EP300: variants seen among roughly 807,000 people sequenced by gnomAD.
The protein encoded by EP300 is histone acetyltransferase p300.
EP300 carries 31 observed loss-of-function variants against 264.0 expected under a neutral mutation model. The observed-to-expected ratio is 0.12, with a 90% CI of 0.09 to 0.16. The LOEUF (loss-of-function observed/expected upper bound fraction) is 0.16. EP300 is among the 10% of genes least tolerant of loss of function. EP300 has a pLI of 1.00. For missense variants in EP300, 2,766 were observed against 3,052.9 expected (o/e 0.91, Z 2.21); for synonymous variants, 1,340 against 1,045.4 (o/e 1.28, Z -5.44).
chr22:41,170,620 A>T lies in EP300; in HGVS notation c.4452+49A>T, dbSNP rs368327456. On this transcript the variant is annotated intron_variant, in intron 27 of 30. Coordinates refer to ENST00000263253, the MANE Select transcript of EP300 (RefSeq NM_001429.4). Reference sequence around the variant, plus strand: ...GTGCTGACAATAGATCTGGAAATGCACTAATGTTGCTGCTCTTTGTTCTGT... The same window carrying T: ...GTGCTGACAATAGATCTGGAAATGCTCTAATGTTGCTGCTCTTTGTTCTGT... 6.7e-5 allele frequency: 99 copies of T among 1,488,250 alleles called. 1 individual carries two copies. The highest frequency in any genetic ancestry group is 1.3e-5 in the Non-Finnish European group (14 of 1,068,524). The allele number at this position is 1,488,250 out of a possible 1,614,324, so 92.2% of individuals were successfully genotyped here.
rs1357821381 is a variant in EP300 at position 41,127,466 on chromosome 22, A to T, written c.907-21A>T. ...AGCACATTATGACTCCTACCATTAA[A>T]TATATTGTTATATCTCTCAGGGTCA... On this transcript the variant is annotated intron_variant, in intron 3 of 30. Coordinates refer to ENST00000263253, the MANE Select transcript of EP300 (RefSeq NM_001429.4). 1.9e-6 allele frequency: 3 copies of T among 1,613,686 alleles called. No individual in the cohort carries two copies. In the East Asian group the frequency reaches 6.7e-5, roughly 36 times the overall value.
At chr22:41,108,420 C>T (rs2267426) in intron 1 of EP300, among the ~76,000 whole-genome samples, 6,211 of 151,714 alleles carry the variant, frequency 0.041, 423 homozygotes, top group East Asian at 0.21. Context: ...GGCTAATTTT[C>T]GTATTTTTTT....
chr22:41,167,611 T>C (rs1486464031), intron 23 of EP300, among the ~76,000 whole-genome samples: 2 of 39,412 alleles, frequency 5.1e-5, no homozygotes, highest in East Asian at 2.6e-3. Context: ...TATATATATA[T>C]ATATATATAT....
chr22:41,163,901 C>T, intron 21 of EP300, 152 bp from the exon 22 acceptor site: 1 of 748,672 alleles, frequency 1.3e-6, no homozygotes, highest in Non-Finnish European at 2.4e-6. Flanking sequence ...CAACAGAGAC[C>T]CTATCTCTAA....
chr22:41,153,375 A>C (rs1463039956), intron 16 of EP300, among the ~76,000 whole-genome samples: 1 of 152,238 alleles, frequency 6.6e-6, no homozygotes, highest in African/African-American at 2.4e-5. Flanking sequence ...TGGGATTAAA[A>C]AATTATTTTC....
At chr22:41,143,776 A>G (rs1216842203) in intron 10 of EP300, among the ~76,000 whole-genome samples, 1 of 152,126 alleles carries the variant, frequency 6.6e-6, no homozygotes, top group African/African-American at 2.4e-5. Context: ...AGGGTTTCAC[A>G]CCATGTTGGC....
At chr22:41,101,977 C>A (rs1219462204) in intron 1 of EP300, among the ~76,000 whole-genome samples, 2 of 151,950 alleles carry the variant, frequency 1.3e-5, no homozygotes, top group Non-Finnish European at 2.9e-5. Flanking sequence ...AGAATACTTA[C>A]CCTTATTACT....
rs1005411098 is a variant in EP300 at position 41,179,775 on chromosome 22, TAAA to T, written c.*822_*824del. On this transcript the variant is annotated 3_prime_UTR_variant, in exon 31 of 31. Transcript: ENST00000263253. ...TTTACATCTAACAAAGTAAAAAAAT[TAAA>T]AAGAGGGTAAGAAACGATTCCGGTG... 3 of 231,260 alleles carry T rather than the reference TAAA, an allele frequency of 1.3e-5. No individual in the cohort carries two copies. In the East Asian group the frequency reaches 1.8e-4, roughly 14 times the overall value. The allele number at this position is 231,260 out of a possible 1,614,324, so 14.3% of individuals were successfully genotyped here.
intron 16 of EP300, among the ~76,000 whole-genome samples, chr22:41,154,526 T>C (rs1251209000): frequency 1.3e-5 from 2 of 151,742 alleles, no homozygotes; most frequent in African/African-American, 4.8e-5. Flanking sequence ...GAGACTAGCA[T>C]GCCACCATGT....
chr22:41,104,848 C>T (rs2058749969), intron 1 of EP300, among the ~76,000 whole-genome samples: 1 of 150,590 alleles, frequency 6.6e-6, no homozygotes, highest in Non-Finnish European at 1.5e-5. Flanking sequence ...GGTGAAACCC[C>T]ATCTCTACTA....
chr22:41,148,865 T>C (rs2059026836), intron 12 of EP300, 173 bp from the exon 13 acceptor site: 1 of 743,070 alleles, frequency 1.3e-6, no homozygotes, highest in Admixed American at 2.7e-5. Flanking sequence ...GGCACAAGAG[T>C]CAGTTGTTCT....
chr22:41,102,029 C>CT (rs5845488), intron 1 of EP300, among the ~76,000 whole-genome samples: 28,862 of 119,248 alleles, frequency 0.24, 3,829 homozygotes, highest in Admixed American at 0.4. Flanking sequence ...TTTTTCTTTT[C>CT]TTTTTTTTTT....
chr22:41,152,065 C>T, intron 15 of EP300, 53 bp downstream of exon 15: 4 of 1,607,936 alleles, frequency 2.5e-6, no homozygotes, highest in Non-Finnish European at 1.7e-6. Flanking sequence ...GTATAGGAAC[C>T]CAAGTTTTAA....
At chr22:41,122,154 CTTCTTTTTTT>C (rs2058855950) in intron 2 of EP300, among the ~76,000 whole-genome samples, 145 of 97,232 alleles carry the variant, frequency 1.5e-3, no homozygotes, top group African/African-American at 4.5e-3. Context: ...CTTTCTTCTT[CTTCTTTTTTT>C]TTTTTTTTTT....
intron 28 of EP300, 92 bp downstream of exon 28, chr22:41,172,755 T>C (rs1320536683): frequency 2.9e-6 from 4 of 1,376,704 alleles, no homozygotes; most frequent in South Asian, 1.2e-5. Context: ...TTTTAAAGCT[T>C]TCAGGTGTAA....
At chr22:41,137,356 CAAAAAAAA>C (rs35403189) in intron 7 of EP300, among the ~76,000 whole-genome samples, 1 of 92,912 alleles carries the variant, frequency 1.1e-5, no homozygotes, top group Non-Finnish European at 2.0e-5. Context: ...GACTTTGTCT[CAAAAAAAA>C]AAAAAAAAAA....
At chr22:41,128,020 G>A (rs921890262) in intron 4 of EP300, among the ~76,000 whole-genome samples, 30 of 151,786 alleles carry the variant, frequency 2.0e-4, no homozygotes, top group African/African-American at 6.8e-4. Context: ...AGACCTCGCC[G>A]GGCATGATGA....
At chr22:41,140,415 C>T (rs2058975489) in intron 9 of EP300, among the ~76,000 whole-genome samples, 158 bp downstream of exon 9, 1 of 152,136 alleles carries the variant, frequency 6.6e-6, no homozygotes. Context: ...GATACCAAAG[C>T]AGTTTCTTAA....
chr22:41,112,401 A>G (rs938020194), intron 1 of EP300, among the ~76,000 whole-genome samples: 2 of 145,540 alleles, frequency 1.4e-5, no homozygotes, highest in Admixed American at 7.0e-5. Flanking sequence ...GTTTCGCTAT[A>G]TTGGCCAGGC....
Sources: gnomAD v4.1 joint callset for allele counts (sites outside exome capture counted in the v4.1 genomes callset) on GRCh38, gnomAD v4.1.1 for gene constraint, MANE v1.5 for transcripts, NCBI Gene and HGNC (gene_info 2026-07-23, HGNC 2026-07-21) for gene names.